The following MIER1 variants were observed in gnomAD, a reference collection of about 807,000 sequenced individuals.
MIER1 encodes mesoderm induction early response protein 1.
Under a neutral mutation model 75.7 loss-of-function variants are expected in MIER1, and 40 were observed. The ratio of observed to expected loss-of-function variants is 0.53; its 90% CI spans 0.41 to 0.69. The LOEUF (loss-of-function observed/expected upper bound fraction) is 0.69. Ranked by LOEUF, MIER1 falls within the 30% of genes least tolerant of loss-of-function variation. MIER1 has a pLI of 0.00. For synonymous variants in MIER1, 213 were observed against 223.4 expected (o/e 0.95, Z 0.42); for missense variants, 574 against 680.2 (o/e 0.84, Z 1.74).
intron 4 of MIER1, among the ~76,000 whole-genome samples, chr1:66,953,459 A>G (rs1659423781): frequency 6.6e-6 from 1 of 152,120 alleles, no homozygotes; most frequent in Non-Finnish European, 1.5e-5. Context: ...GAGACTTTTT[A>G]TACTGTCGTG....
chr1:66,939,563 A>T (rs1655686254), intron 2 of MIER1, among the ~76,000 whole-genome samples: 1 of 152,128 alleles, frequency 6.6e-6, no homozygotes. Context: ...GCTTTGTTAC[A>T]ACTTAATTTT....
At chr1:66,984,485 A>G in intron 13 of MIER1, 87 bp from the exon 14 acceptor site, 2 of 979,464 alleles carry the variant, frequency 2.0e-6, no homozygotes, top group Non-Finnish European at 3.0e-6. Context: ...TGCTTCCTTG[A>G]TAACAATAAC....
At chr1:66,978,448 A>G (rs1021289176) in intron 12 of MIER1, among the ~76,000 whole-genome samples, 2 of 152,202 alleles carry the variant, frequency 1.3e-5, no homozygotes, top group Non-Finnish European at 2.9e-5. Flanking sequence ...GGTGATTGCT[A>G]AAGTGGAATT....
intron 12 of MIER1, among the ~76,000 whole-genome samples, chr1:66,981,190 G>A (rs568569965): frequency 2.0e-5 from 3 of 152,252 alleles, no homozygotes; most frequent in South Asian, 2.1e-4. Context: ...CCACAGTTAC[G>A]TAGTTCAGGA....
rs1453730049 is a variant in MIER1, at chr1:66,970,716, T to TTTGGCTCTGAGTTGTTTA, written c.773-89_773-72dup. 16 of 952,466 alleles carry TTTGGCTCTGAGTTGTTTA rather than the reference T, an allele frequency of 1.7e-5. No individual in the cohort carries two copies. The African/African-American group carries it at 2.4e-4, about 14-fold the overall frequency. The allele number at this position is 952,466 out of a possible 1,614,324, so 59.0% of individuals were successfully genotyped here. On this transcript the variant is annotated intron_variant, in intron 8 of 13. Transcript: ENST00000401041. ...CCACACTGTACCTCAGTTCTCAACATTTGGCTCTGAGTTGTTTATTTAGTA... is the reference window on the plus strand; with the variant it reads ...CCACACTGTACCTCAGTTCTCAACATTTGGCTCTGAGTTGTTTATTGGCTCTGAGTTGTTTATTTAGTA...
chr1:66,953,440 A>G (rs977947336), intron 4 of MIER1, among the ~76,000 whole-genome samples: 1 of 152,106 alleles, frequency 6.6e-6, no homozygotes, highest in African/African-American at 2.4e-5. Flanking sequence ...TTTACCTTAG[A>G]TTAAATAAGA....
intron 2 of MIER1, chr1:66,929,198 A>G (rs1194101043): frequency 7.5e-6 from 4 of 531,530 alleles, no homozygotes; most frequent in African/African-American, 5.8e-5. Context: ...CATTTATGCA[A>G]TGTAGTATTG....
At chr1:66,983,942 T>C (rs1272978659) in intron 13 of MIER1, among the ~76,000 whole-genome samples, 1 of 152,198 alleles carries the variant, frequency 6.6e-6, no homozygotes, top group African/African-American at 2.4e-5. Flanking sequence ...GCCAGGCTGG[T>C]CTTGAACTCC....
At chr1:66,941,383 T>C (rs530609492) in intron 3 of MIER1, among the ~76,000 whole-genome samples, 12 of 152,302 alleles carry the variant, frequency 7.9e-5, no homozygotes, top group Non-Finnish European at 1.6e-4. Context: ...CTTAGATAAG[T>C]GTTAGATCAC....
chr1:66,926,130 C>G lies in MIER1; in HGVS notation c.68-12C>G. The G allele has an allele frequency of 1.2e-6, 2 of 1,610,324 alleles. No individual in the cohort carries two copies. The highest frequency in any genetic ancestry group is 1.7e-6 in the Non-Finnish European group (2 of 1,176,678). On this transcript the variant is annotated splice_polypyrimidine_tract_variant and intron_variant, in intron 1 of 13. Coordinates refer to ENST00000401041, the MANE Select transcript of MIER1 (RefSeq NM_001077700.3). The stretch of plus-strand genomic sequence containing the variant: ...TCTCCTTGCTACTGAGGCTCTCTTT[C>G]CTTTGATCCAGATGGTGTGGTCGCT...
chr1:66,981,832 C>T lies in MIER1; in HGVS notation c.1283C>T (p.Ala428Val). The T allele has an allele frequency of 6.2e-7, 1 of 1,614,038 alleles. No individual in the cohort carries two copies. Reference protein sequence around the residue: ...DESESAASSRAPSPPPTASNS... With the variant: ...DESESAASSRVPSPPPTASNS... ...AGTGAAAGTGCTGCATCTAGTCGAG[C>T]ACCATCCCCTCCCCCAACTGCATCA... The change falls in exon 13 of 14, where the codon GCA becomes GTA. Residue 428 changes from alanine to valine, a missense_variant. Ala to Val is a moderately conservative substitution (Grantham distance 64). Coordinates refer to ENST00000401041, the MANE Select transcript of MIER1 (RefSeq NM_001077700.3).
chr1:66,974,398 T>G (rs1664278519), intron 11 of MIER1, among the ~76,000 whole-genome samples: 1 of 152,050 alleles, frequency 6.6e-6, no homozygotes, highest in South Asian at 2.1e-4. Flanking sequence ...TGTTTCATGG[T>G]TGAAAGGGAC....
chr1:66,941,347 A>T (rs1656160446), intron 3 of MIER1, among the ~76,000 whole-genome samples: 2 of 152,098 alleles, frequency 1.3e-5, no homozygotes, highest in South Asian at 4.1e-4. Context: ...TATATCCTGG[A>T]TGGTTAAGAT....
Position 66,955,337 on chromosome 1 carries a change from T to TTG in MIER1, c.340-2721_340-2720insGT, listed in dbSNP as rs1491138996. Among the ~76,000 whole-genome samples the TTG allele has an allele frequency of 7.6e-4, 10 of 13,198 alleles. No homozygotes were observed. The East Asian group carries it at 0.019, about 25-fold the overall frequency. The allele number at this position is 13,198 out of a possible 152,430, so 8.7% of individuals were successfully genotyped here. A position where few individuals can be genotyped will look rare whatever the true frequency, so the allele number is the denominator to read the frequency against. On this transcript the variant is annotated intron_variant, in intron 4 of 13. Coordinates refer to ENST00000401041, the MANE Select transcript of MIER1 (RefSeq NM_001077700.3). ...ACCAGCAGCATTAGCATCACCTGAG[T>TTG]TTTTTTTTTTTTTTTTTTTTTTTTT...
At chr1:66,933,162 AC>A (rs368700851) in intron 2 of MIER1, among the ~76,000 whole-genome samples, 43 of 152,292 alleles carry the variant, frequency 2.8e-4, no homozygotes, top group African/African-American at 1.0e-3. Flanking sequence ...TCCTAGTCAC[AC>A]TTGAAGGAAA....
chr1:66,965,685 G>C (rs1004023063), intron 8 of MIER1, among the ~76,000 whole-genome samples: 2 of 152,064 alleles, frequency 1.3e-5, no homozygotes, highest in African/African-American at 4.8e-5. Context: ...TACTCTTATA[G>C]TTCTTTAAAA....
At chr1:66,949,532 T>C (rs1658434393) in intron 4 of MIER1, among the ~76,000 whole-genome samples, 1 of 152,250 alleles carries the variant, frequency 6.6e-6, no homozygotes, top group Admixed American at 6.5e-5. Flanking sequence ...GACAGCCTTA[T>C]ACCTTCTCAG....
chr1:66,932,240 AT>A (rs1475737540), intron 2 of MIER1, among the ~76,000 whole-genome samples: 1 of 152,176 alleles, frequency 6.6e-6, no homozygotes, highest in African/African-American at 2.4e-5. Flanking sequence ...TTTCTTAAAT[AT>A]TTTATCAGTT....
At chr1:66,937,335 C>T (rs3008866) in intron 2 of MIER1, among the ~76,000 whole-genome samples, 11 of 152,222 alleles carry the variant, frequency 7.2e-5, no homozygotes, top group African/African-American at 2.2e-4. Context: ...CCTGTAATCC[C>T]GGCACTTTTG....
Sources: allele counts gnomAD v4.1 joint callset (sites outside exome capture counted in the v4.1 genomes callset), GRCh38; gene constraint gnomAD v4.1.1; transcripts MANE v1.5; gene names NCBI Gene and HGNC (gene_info 2026-07-23, HGNC 2026-07-21).